The following PPARGC1B variants were observed in gnomAD, a reference collection of about 807,000 sequenced individuals.
PPARGC1B encodes the protein PPARG coactivator 1 beta, also known as peroxisome proliferator-activated receptor gamma coactivator 1-beta.
In PPARGC1B, 34 loss-of-function variants were observed where a neutral mutation model predicts 101.6. The ratio of observed to expected loss-of-function variants is 0.33; its 90% CI spans 0.25 to 0.45. The LOEUF (loss-of-function observed/expected upper bound fraction) is 0.45. Among genes scored for constraint, PPARGC1B ranks in the 20% least tolerant of loss-of-function variants. PPARGC1B has a pLI of 1.00. For missense variants in PPARGC1B, 1,234 were observed against 1,317.6 expected, an observed-to-expected ratio of 0.94 and a Z score of 0.98; for synonymous variants, 548 against 539.3, an observed-to-expected ratio of 1.02 and a Z score of -0.22.
At chr5:149,836,108 C>T (rs780342189) in intron 7 of PPARGC1B, among the ~76,000 whole-genome samples, 155 bp from the exon 8 acceptor site, 1 of 151,934 alleles carries the variant, frequency 6.6e-6, no homozygotes, top group Non-Finnish European at 1.5e-5. Context: ...AGGCTGGTCT[C>T]GAGCTCCTGG....
In PPARGC1B at chr5:149,845,789, G is replaced by T. The variant is rs372006030; in HGVS notation, c.2846G>T (p.Arg949Leu). Residue 949 changes from arginine (R) to leucine (L), a missense_variant, in exon 11 of 12, where the codon CGG (arginine) becomes CTG (leucine). Coordinates refer to ENST00000309241, the MANE Select transcript of PPARGC1B (RefSeq NM_133263.4). ...GAGAAGTACGGCTTCATCACCTACC[G>T]GTGTTCTGAGCACGCGGCCCTCTCT... is the stretch of plus-strand genomic sequence containing the variant. ...RGEKYGFITY[R>L]CSEHAALSLT... 6.8e-6 allele frequency: 11 copies of T among 1,613,478 alleles called. No homozygotes were observed. Among genetic ancestry groups the T allele is most frequent in the Non-Finnish European group, 9.3e-6 (11 of 1,179,514 alleles).
At chr5:149,824,139 G>T (rs1418987956) in intron 2 of PPARGC1B, among the ~76,000 whole-genome samples, 1 of 152,224 alleles carries the variant, frequency 6.6e-6, no homozygotes, top group Non-Finnish European at 1.5e-5. Flanking sequence ...GCAGTAGCGT[G>T]TGCGCCACGC....
intron 1 of PPARGC1B, among the ~76,000 whole-genome samples, chr5:149,806,142 G>A (rs1182351354): frequency 6.6e-6 from 1 of 152,226 alleles, no homozygotes; most frequent in African/African-American, 2.4e-5. Context: ...AGGGGGAATC[G>A]CCAGCTACCT....
Position 149,755,052 on chromosome 5 carries a change from C to CATATATATATATATATAT in PPARGC1B, c.78+24636_78+24653dup, listed in dbSNP as rs1199839991. ...TACACTACATATACATATACATATA[C>CATATATATATATATATAT]ATATATATATATATATATATAATTT... On this transcript the variant is annotated intron_variant, in intron 1 of 11. Transcript: ENST00000309241. 2.6e-3 allele frequency among the ~76,000 whole-genome samples: 281 copies of CATATATATATATATATAT among 108,874 alleles called. 2 individuals carry two copies. The highest frequency in any genetic ancestry group is 7.5e-3 in the African/African-American group (199 of 26,562). 71.4% of individuals were successfully genotyped at this position (108,874 alleles called of 152,430 possible).
intron 1 of PPARGC1B, among the ~76,000 whole-genome samples, chr5:149,762,526 G>A (rs531932321): frequency 9.9e-5 from 15 of 152,256 alleles, no homozygotes; most frequent in Admixed American, 7.8e-4. Flanking sequence ...CACCCATGGG[G>A]CCTCTCAGTG....
At chr5:149,844,978 C>G (rs1474044795) in intron 10 of PPARGC1B, among the ~76,000 whole-genome samples, 34 of 152,332 alleles carry the variant, frequency 2.2e-4, no homozygotes, top group Admixed American at 2.2e-3. Flanking sequence ...AGGTAGGAGT[C>G]ACTACATGAC....
Position 149,847,544 on chromosome 5 carries a change from C to T in PPARGC1B, c.3058C>T (p.Gln1020Ter). ...TGACAGCTTACTGAAAGAGGCCCAG[C>T]AGAGCCTGCATTGATAACAGCCTTA... ...DFDSLLKEAQQSLH is the reference protein window; with the variant it reads ...DFDSLLKEAQ Residue 1020 changes from glutamine (Q) to a stop codon, truncating the protein, a stop_gained, in exon 12 of 12, where the codon CAG becomes TAG. Coordinates refer to ENST00000309241, the MANE Select transcript of PPARGC1B (RefSeq NM_133263.4). LOFTEE classifies it high-confidence loss of function. The T allele has an allele frequency of 6.2e-7, 1 of 1,613,704 alleles. No homozygotes were observed. Among genetic ancestry groups the T allele is most frequent in the Non-Finnish European group, 8.5e-7 (1 of 1,179,612 alleles).
chr5:149,772,080 T>C, intron 1 of PPARGC1B: 1 of 1,571,566 alleles, frequency 6.4e-7, no homozygotes, highest in Non-Finnish European at 8.6e-7. Context: ...CTGAGGGGCC[T>C]GCTCTGATCT....
rs574411385 is a variant in PPARGC1B, at chr5:149,847,836, C to T, written c.*278C>T. On this transcript the variant is annotated 3_prime_UTR_variant, in exon 12 of 12. Coordinates refer to ENST00000309241, the MANE Select transcript of PPARGC1B (RefSeq NM_133263.4). Reference sequence around the variant, plus strand: ...TTGTCCCGGGTGCACCTCGAAGTGCCGGGTCCGTCACCCATCGCCCCTTCC... The same window carrying T: ...TTGTCCCGGGTGCACCTCGAAGTGCTGGGTCCGTCACCCATCGCCCCTTCC... 581 of 450,522 alleles carry T rather than the reference C, an allele frequency of 1.3e-3. No individual in the cohort carries two copies. The highest frequency in any genetic ancestry group is 2.0e-3 in the Non-Finnish European group (492 of 251,308). 27.9% of individuals were successfully genotyped at this position (450,522 alleles called of 1,614,324 possible).
chr5:149,852,454 A>G lies in PPARGC1B; in HGVS notation c.*4896A>G, dbSNP rs1359333132. 4 of 152,176 alleles carry G rather than the reference A, an allele frequency of 2.6e-5. No individual in the cohort carries two copies. The highest frequency in any genetic ancestry group is 3.9e-4 in the East Asian group (2 of 5,192). The allele number at this position is 152,176 out of a possible 1,614,324, so 9.4% of individuals were successfully genotyped here. On this transcript the variant is annotated 3_prime_UTR_variant, in exon 12 of 12. Transcript: ENST00000309241. ...CTGTTCAGGGTGAGGGTTCTCTGCA[A>G]GAACCAACCAGCAGTAGGTTCAATC... is the stretch of plus-strand genomic sequence containing the variant.
At chr5:149,809,959 G>A (rs924826457) in intron 1 of PPARGC1B, among the ~76,000 whole-genome samples, 3 of 152,018 alleles carry the variant, frequency 2.0e-5, no homozygotes, top group African/African-American at 7.3e-5. Flanking sequence ...GAGAGAAGGC[G>A]TTCCAGGCTG....
At chr5:149,826,464 T>C (rs998475514) in intron 2 of PPARGC1B, among the ~76,000 whole-genome samples, 32 of 152,162 alleles carry the variant, frequency 2.1e-4, no homozygotes, top group Admixed American at 2.1e-3. Context: ...TCTGGGATTC[T>C]TGGAGTCAAT....
At chr5:149,763,249 C>T (rs1002240650) in intron 1 of PPARGC1B, among the ~76,000 whole-genome samples, 1 of 152,190 alleles carries the variant, frequency 6.6e-6, no homozygotes, top group African/African-American at 2.4e-5. Context: ...TCATCGTGGC[C>T]CCAGGTTCTT....
At chr5:149,772,886 C>T (rs1049739135) in intron 1 of PPARGC1B, among the ~76,000 whole-genome samples, 5 of 151,966 alleles carry the variant, frequency 3.3e-5, no homozygotes, top group Non-Finnish European at 5.9e-5. Context: ...TGTTTGTGAC[C>T]TTGTGAAGAT....
intron 7 of PPARGC1B, among the ~76,000 whole-genome samples, chr5:149,835,576 A>G (rs1309302772): frequency 1.3e-5 from 2 of 152,264 alleles, no homozygotes; most frequent in Admixed American, 1.3e-4. Context: ...CTCACTGGGA[A>G]TGAACCAGCA....
intron 1 of PPARGC1B, among the ~76,000 whole-genome samples, chr5:149,775,160 T>C (rs35803814): frequency 0.24 from 36,547 of 152,028 alleles, 4,794 homozygotes; most frequent in Middle Eastern, 0.4. Context: ...AACTATCACC[T>C]CCTACTCTGG....
At chr5:149,777,117 A>C (rs1756392570) in intron 1 of PPARGC1B, among the ~76,000 whole-genome samples, 1 of 152,206 alleles carries the variant, frequency 6.6e-6, no homozygotes, top group Admixed American at 6.5e-5. Flanking sequence ...GCTAGAATTC[A>C]GTCTGAATCT....
chr5:149,807,901 G>A (rs904365621), intron 1 of PPARGC1B, among the ~76,000 whole-genome samples: 1 of 152,126 alleles, frequency 6.6e-6, no homozygotes, highest in Non-Finnish European at 1.5e-5. Flanking sequence ...TCCCGCCCAG[G>A]TGAGGGCTAA....
At chr5:149,801,889 C>T (rs1757441374) in intron 1 of PPARGC1B, among the ~76,000 whole-genome samples, 1 of 152,206 alleles carries the variant, frequency 6.6e-6, no homozygotes, top group African/African-American at 2.4e-5. Flanking sequence ...AGTAATCTCA[C>T]TGATGGCCAT....
Sources: gnomAD v4.1 joint callset for allele counts (sites outside exome capture counted in the v4.1 genomes callset) on GRCh38, gnomAD v4.1.1 for gene constraint, MANE v1.5 for transcripts, NCBI Gene and HGNC (gene_info 2026-07-23, HGNC 2026-07-21) for gene names.